The following MBP variants were observed in gnomAD, a reference collection of about 807,000 sequenced individuals.
MBP encodes Golli-MBP.
In MBP, 16 loss-of-function variants were observed where a neutral mutation model predicts 35.8. That is an observed-to-expected ratio of 0.45 (90% CI 0.30 to 0.68). The LOEUF is 0.68. MBP is among the 30% of genes least tolerant of loss of function. The pLI is 0.08. For synonymous variants in MBP, 143 were observed against 159.6 expected (o/e 0.90, Z 0.78); for missense variants, 380 against 404.7 (o/e 0.94, Z 0.52).
intron 3 of MBP, among the ~76,000 whole-genome samples, chr18:77,050,141 AT>A (rs1390033880): frequency 6.6e-6 from 1 of 152,244 alleles, no homozygotes. Context: ...GAGTAATGCT[AT>A]TCCAAATTCT....
Position 77,101,427 on chromosome 18 carries a change from C to T in MBP, c.51+3784G>A, listed in dbSNP as rs201125599. 1.2e-4 allele frequency among the ~76,000 whole-genome samples: 19 copies of T among 152,316 alleles called. No homozygotes were observed. The South Asian group carries it at 1.7e-3, about 13-fold the overall frequency. Reference sequence around the variant, plus strand: ...GAGTTTCTTCGTTTCTGAGAAGGAGCGCTGTGCCCTGAACCTGCGCCTGCC... The same window carrying T: ...GAGTTTCTTCGTTTCTGAGAAGGAGTGCTGTGCCCTGAACCTGCGCCTGCC... On this transcript the variant is annotated intron_variant, in intron 2 of 8. Transcript: ENST00000355994. The surrounding 1 kb of genome is among the most constrained non-coding windows in gnomAD (Gnocchi z 4.3).
chr18:77,127,528 A>T (rs918548782), intron 1 of MBP: 1 of 152,244 alleles, frequency 6.6e-6, no homozygotes, highest in African/African-American at 2.4e-5. Context: ...AATCCAAAAA[A>T]GGTAAAATTA....
chr18:77,014,385 G>C (rs1340424838), intron 4 of MBP: 43 of 985,290 alleles, frequency 4.4e-5, no homozygotes, highest in Non-Finnish European at 4.9e-5. Context: ...AGTCTGGCAG[G>C]AATCTGCCAG....
chr18:77,013,865 G>C (rs138495480), intron 4 of MBP: 1 of 985,448 alleles, frequency 1.0e-6, no homozygotes, highest in East Asian at 1.1e-4. Flanking sequence ...ACATAAAAAG[G>C]AAGGAACGGT....
At chr18:77,113,905 G>A (rs562312773) in intron 1 of MBP, 1 of 152,364 alleles carries the variant, frequency 6.6e-6, no homozygotes, top group East Asian at 1.9e-4. Flanking sequence ...ACTCATCTGA[G>A]GCATCCATGT....
At chr18:77,039,328 T>C (rs1285064003) in intron 3 of MBP, among the ~76,000 whole-genome samples, 1 of 152,090 alleles carries the variant, frequency 6.6e-6, no homozygotes. Flanking sequence ...TGGGATAGAG[T>C]GCTGACAGTT....
Position 76,979,822 on chromosome 18 carries a change from G to A in MBP, c.*605C>T. The A allele has an allele frequency of 1.6e-6, 1 of 628,490 alleles. No individual in the cohort carries two copies. Among genetic ancestry groups the A allele is most frequent in the Non-Finnish European group, 2.9e-6 (1 of 350,590 alleles). 38.9% of individuals were successfully genotyped at this position (628,490 alleles called of 1,614,324 possible). ...CCTGGGGAGGTGGCCCCCTCTCTGTGCTGCCCCACGTTGGACTCTAACAGC... is the reference window on the plus strand; with the variant it reads ...CCTGGGGAGGTGGCCCCCTCTCTGTACTGCCCCACGTTGGACTCTAACAGC... On this transcript the variant is annotated 3_prime_UTR_variant, in exon 9 of 9. Coordinates refer to ENST00000355994, the MANE Select transcript of MBP (RefSeq NM_001025101.2).
rs1054579003 is a variant in MBP at position 76,989,504 on chromosome 18, G to C, written c.681+452C>G. On this transcript the variant is annotated intron_variant, in intron 5 of 8. Coordinates refer to ENST00000355994, the MANE Select transcript of MBP (RefSeq NM_001025101.2). This position sits in a 1 kb window ranked among gnomAD's most constrained non-coding sequence, Gnocchi z 4.0. ...AGCAACACTGCCTTAGGGCTCTCTCGGTGCTGTGCACGCTGTGGGTTTGGA... is the reference window on the plus strand; with the variant it reads ...AGCAACACTGCCTTAGGGCTCTCTCCGTGCTGTGCACGCTGTGGGTTTGGA... Among the ~76,000 whole-genome samples, 1 of 152,054 alleles carries C rather than the reference G, an allele frequency of 6.6e-6. No individual in the cohort carries two copies. The highest frequency in any genetic ancestry group is 1.5e-5 in the Non-Finnish European group (1 of 68,006).
chr18:77,009,361 G>C (rs1971193231), intron 4 of MBP, among the ~76,000 whole-genome samples: 1 of 152,246 alleles, frequency 6.6e-6, no homozygotes, highest in Admixed American at 6.5e-5. Context: ...AGCCCAGAGA[G>C]ACCAGACGTC....
At chr18:77,066,685 A>G in intron 2 of MBP, 1 of 596,224 alleles carries the variant, frequency 1.7e-6, no homozygotes, top group Non-Finnish European at 3.2e-6. Flanking sequence ...CATCCCATTT[A>G]TTCCAAGGGT....
intron 1 of MBP, among the ~76,000 whole-genome samples, chr18:77,121,786 T>C (rs1430190670): frequency 6.6e-6 from 1 of 152,252 alleles, no homozygotes; most frequent in Non-Finnish European, 1.5e-5. Flanking sequence ...AGACCAGCTG[T>C]AGCTGGTGCT....
Position 77,066,301 on chromosome 18 carries a change from A to G in MBP, c.136T>C (p.Phe46Leu). 6.2e-7 allele frequency: 1 copy of G among 1,613,418 alleles called. No homozygotes were observed. The highest frequency in any genetic ancestry group is 8.5e-7 in the Non-Finnish European group (1 of 1,179,570). The change falls in exon 3 of 9, where the codon TTC becomes CTC. Residue 46 changes from phenylalanine to leucine, a missense_variant. Physicochemically the swap from Phe to Leu is conservative, Grantham distance 22. Coordinates refer to ENST00000355994, the MANE Select transcript of MBP (RefSeq NM_001025101.2). ...TGCCGATATCTGCGTCACCTACCGAACACTTCGTTGTCCTCTGAGGTTGTC... is the reference window on the plus strand; with the variant it reads ...TGCCGATATCTGCGTCACCTACCGAGCACTTCGTTGTCCTCTGAGGTTGTC... ...SRTTSEDNEVFGEADANQNNG... is the reference protein window; with the variant it reads ...SRTTSEDNEVLGEADANQNNG...
chr18:77,059,151 G>C (rs978403072), intron 3 of MBP, among the ~76,000 whole-genome samples: 2 of 152,234 alleles, frequency 1.3e-5, no homozygotes, highest in African/African-American at 4.8e-5. Flanking sequence ...AAATCAAAGT[G>C]CCAACTGTAG....
At chr18:77,029,804 A>ACAC (rs1356429279) in intron 3 of MBP, among the ~76,000 whole-genome samples, 1 of 151,786 alleles carries the variant, frequency 6.6e-6, no homozygotes, top group African/African-American at 2.4e-5. Flanking sequence ...ACACACACAC[A>ACAC]CACACGCAGT....
At chr18:77,118,380 G>A (rs1348583989) in intron 1 of MBP, among the ~76,000 whole-genome samples, 2 of 151,978 alleles carry the variant, frequency 1.3e-5, no homozygotes, top group Non-Finnish European at 2.9e-5. Context: ...TTTGCACCCA[G>A]CAGTTGGCAC....
At chr18:77,068,045 G>T (rs80153024) in intron 2 of MBP, among the ~76,000 whole-genome samples, 8,057 of 152,058 alleles carry the variant, frequency 0.053, 230 homozygotes, top group South Asian at 0.11. Flanking sequence ...GTGTTTGTGT[G>T]TGTGTGTATC....
intron 3 of MBP, among the ~76,000 whole-genome samples, chr18:77,041,837 G>A (rs2144628799): frequency 6.6e-6 from 1 of 151,516 alleles, no homozygotes; most frequent in Non-Finnish European, 1.5e-5. Context: ...TAAACGACGA[G>A]TTACTGGGTG....
intron 3 of MBP, among the ~76,000 whole-genome samples, chr18:77,035,453 C>T (rs1972724300): frequency 6.6e-6 from 1 of 152,194 alleles, no homozygotes. Context: ...TCAAAATGTG[C>T]TTCAGTCAAA....
At chr18:77,008,065 G>C (rs937438036) in intron 4 of MBP, among the ~76,000 whole-genome samples, 3 of 152,120 alleles carry the variant, frequency 2.0e-5, no homozygotes, top group African/African-American at 7.2e-5. Flanking sequence ...CTGTGGCCAG[G>C]GTCCACTGAG....
Sources: allele counts gnomAD v4.1 joint callset (sites outside exome capture counted in the v4.1 genomes callset), GRCh38; gene constraint gnomAD v4.1.1; non-coding constraint Gnocchi (gnomAD v3.1); transcripts MANE v1.5; gene names NCBI Gene and HGNC (gene_info 2026-07-23, HGNC 2026-07-21).